Variants in TMEM132C observed in about 807,000 individuals in gnomAD.
TMEM132C encodes the protein transmembrane protein 132C, also known as protein phosphatase 1, regulatory subunit 152.
TMEM132C carries 29 observed loss-of-function variants against 61.4 expected under a neutral mutation model. The observed-to-expected ratio is 0.47, with a 90% CI of 0.35 to 0.64. The LOEUF (loss-of-function observed/expected upper bound fraction) is 0.64. TMEM132C is among the 30% of genes least tolerant of loss of function. The pLI is 0.00. For missense variants in TMEM132C, 1,408 were observed against 1,476.9 expected, an observed-to-expected ratio of 0.95 and a Z score of 0.76; for synonymous variants, 656 against 633.1, an observed-to-expected ratio of 1.04 and a Z score of -0.54.
intron 3 of TMEM132C, among the ~76,000 whole-genome samples, chr12:128,573,376 C>T (rs1213023089): frequency 6.6e-5 from 10 of 151,980 alleles, no homozygotes; most frequent in Admixed American, 2.0e-4. Flanking sequence ...ACTGCATGTT[C>T]TCACTCATAG....
rs980390904 is a variant in TMEM132C, at chr12:128,511,646, C to T, written c.975-32311C>T. ...ACACCTGGAGCATTACAACGAGATGCTCACCTGAACCTTGGGGTCCTGTCT... is the reference window on the plus strand; with the variant it reads ...ACACCTGGAGCATTACAACGAGATGTTCACCTGAACCTTGGGGTCCTGTCT... On this transcript the variant is annotated intron_variant, in intron 2 of 8. Transcript: ENST00000435159. Among the ~76,000 whole-genome samples, 5 of 152,338 alleles carry T rather than the reference C, an allele frequency of 3.3e-5. 1 individual carries two copies. In the Middle Eastern group the frequency reaches 0.01, roughly 311 times the overall value.
At chr12:128,306,635 T>C (rs368914898) in intron 1 of TMEM132C, among the ~76,000 whole-genome samples, 1 of 151,782 alleles carries the variant, frequency 6.6e-6, no homozygotes, top group African/African-American at 2.4e-5. Flanking sequence ...CTGTGGCAGG[T>C]ATCTATTTAG....
chr12:128,553,954 G>A (rs977988675), intron 3 of TMEM132C, among the ~76,000 whole-genome samples: 1 of 152,160 alleles, frequency 6.6e-6, no homozygotes, highest in African/African-American at 2.4e-5. Context: ...CAGCTCCGGG[G>A]GTGTCTGTGC....
chr12:128,512,369 G>A (rs556468464), intron 2 of TMEM132C, among the ~76,000 whole-genome samples: 4 of 152,072 alleles, frequency 2.6e-5, no homozygotes, highest in Non-Finnish European at 5.9e-5. Context: ...TAACCACTCT[G>A]TATGTCCTGT....
chr12:128,389,155 A>G (rs938174582), intron 1 of TMEM132C, among the ~76,000 whole-genome samples: 2 of 152,182 alleles, frequency 1.3e-5, no homozygotes, highest in African/African-American at 4.8e-5. Context: ...TACTTCATTC[A>G]TTCATTCATT....
At chr12:128,407,785 C>G (rs975837408) in intron 1 of TMEM132C, among the ~76,000 whole-genome samples, 47 of 152,184 alleles carry the variant, frequency 3.1e-4, no homozygotes, top group African/African-American at 1.1e-3. Context: ...AGCCCAGATT[C>G]AAAGAGTGGG....
chr12:128,375,154 C>G (rs763706186), intron 1 of TMEM132C, among the ~76,000 whole-genome samples: 5 of 151,946 alleles, frequency 3.3e-5, no homozygotes, highest in African/African-American at 4.8e-5. Flanking sequence ...TTAGATCTTA[C>G]CAAATGTCCC....
At chr12:128,374,069 T>C (rs1874108283) in intron 1 of TMEM132C, among the ~76,000 whole-genome samples, 1 of 152,108 alleles carries the variant, frequency 6.6e-6, no homozygotes, top group Non-Finnish European at 1.5e-5. Flanking sequence ...GAGTCCCTGC[T>C]CCATGCTGTG....
intron 2 of TMEM132C, among the ~76,000 whole-genome samples, chr12:128,443,592 A>G (rs1484618949): frequency 6.6e-6 from 1 of 152,190 alleles, no homozygotes; most frequent in Non-Finnish European, 1.5e-5. Context: ...GTGAAATCAG[A>G]ATCTCTGGGA....
intron 1 of TMEM132C, among the ~76,000 whole-genome samples, chr12:128,329,102 G>A (rs1456233757): frequency 6.6e-6 from 1 of 152,150 alleles, no homozygotes; most frequent in East Asian, 1.9e-4. Flanking sequence ...GACAAATCCA[G>A]CGCAGACATC....
chr12:128,488,390 G>A (rs965392122), intron 2 of TMEM132C, among the ~76,000 whole-genome samples: 1 of 152,158 alleles, frequency 6.6e-6, no homozygotes, highest in African/African-American at 2.4e-5. Context: ...GCTAGGTGTG[G>A]TGGCTCACAC....
chr12:128,402,983 C>T (rs1875221059), intron 1 of TMEM132C, among the ~76,000 whole-genome samples: 1 of 152,146 alleles, frequency 6.6e-6, no homozygotes, highest in South Asian at 2.1e-4. Context: ...GAACTATCCC[C>T]CCAGGGGCTC....
At chr12:128,371,128 A>C (rs980161987) in intron 1 of TMEM132C, among the ~76,000 whole-genome samples, 1 of 152,092 alleles carries the variant, frequency 6.6e-6, no homozygotes, top group Non-Finnish European at 1.5e-5. Flanking sequence ...GTAGGATGGG[A>C]TTTAAAGGGA....
intron 2 of TMEM132C, among the ~76,000 whole-genome samples, chr12:128,427,412 G>A (rs867892293): frequency 1.2e-5 from 1 of 84,836 alleles, no homozygotes; most frequent in Non-Finnish European, 3.0e-5. Context: ...GTGTGTGTGT[G>A]TGTGTGTGTG....
chr12:128,497,523 A>C (rs922673036), intron 2 of TMEM132C, among the ~76,000 whole-genome samples: 4 of 152,194 alleles, frequency 2.6e-5, no homozygotes, highest in African/African-American at 4.8e-5. Context: ...GTTAAGCCTC[A>C]GCAATGGCAG....
intron 2 of TMEM132C, among the ~76,000 whole-genome samples, chr12:128,457,423 A>G (rs907930035): frequency 6.6e-6 from 1 of 151,840 alleles, no homozygotes; most frequent in Non-Finnish European, 1.5e-5. Context: ...AAAAATACAA[A>G]AAATTAGCCA....
At chr12:128,548,781 A>G (rs1175933806) in intron 3 of TMEM132C, among the ~76,000 whole-genome samples, 2 of 152,202 alleles carry the variant, frequency 1.3e-5, no homozygotes, top group African/African-American at 4.8e-5. Context: ...TGTATTGCAC[A>G]TATACAGACT....
chr12:128,354,037 G>A lies in TMEM132C; in HGVS notation c.86-60695G>A, dbSNP rs373703201. Among the ~76,000 whole-genome samples, 4 of 152,332 alleles carry A rather than the reference G, an allele frequency of 2.6e-5. No homozygotes were observed. In the East Asian group the frequency reaches 7.7e-4, roughly 29 times the overall value. ...ATAAATGTAAAGGGTCGATGAAGAA[G>A]AGAAGCAGATCTTGCCAGGGTGGCT... On this transcript the variant is annotated intron_variant, in intron 1 of 8. Coordinates refer to ENST00000435159, the MANE Select transcript of TMEM132C (RefSeq NM_001136103.3).
At chr12:128,587,881 A>C (rs778292184) in intron 3 of TMEM132C, among the ~76,000 whole-genome samples, 1 of 152,246 alleles carries the variant, frequency 6.6e-6, no homozygotes, top group Non-Finnish European at 1.5e-5. Flanking sequence ...AGTTACCTCG[A>C]ATGAGGAAAA....
Sources: allele counts gnomAD v4.1 joint callset (sites outside exome capture counted in the v4.1 genomes callset), GRCh38; gene constraint gnomAD v4.1.1; transcripts MANE v1.5; gene names NCBI Gene and HGNC (gene_info 2026-07-23, HGNC 2026-07-21).